XPR1: variants seen among roughly 807,000 people sequenced by gnomAD.
The protein encoded by XPR1 is xenotropic and polytropic retrovirus receptor 1.
Under a neutral mutation model 87.5 loss-of-function variants are expected in XPR1, and 28 were observed. The observed-to-expected ratio is 0.32, with a 90% CI of 0.24 to 0.44. The LOEUF (loss-of-function observed/expected upper bound fraction) is 0.44, where lower values mean the gene tolerates loss of function less well. Ranked by LOEUF, XPR1 falls within the 20% of genes least tolerant of loss-of-function variation. XPR1 has a pLI of 1.00. For missense variants in XPR1, 559 were observed against 862.3 expected, an observed-to-expected ratio of 0.65 and a Z score of 4.41; for synonymous variants, 300 against 306.1, an observed-to-expected ratio of 0.98 and a Z score of 0.21.
chr1:180,887,525 A>T lies in XPR1; in HGVS notation c.*3459A>T, dbSNP rs1165317808. On this transcript the variant is annotated 3_prime_UTR_variant, in exon 15 of 15. Coordinates refer to ENST00000367590, the MANE Select transcript of XPR1 (RefSeq NM_004736.4). ...TTCATAGCATACAGAGAAACAATGA[A>T]ATCAAAGATTAAATCATTAGGTTAT... 6.6e-6 allele frequency: 1 copy of T among 152,232 alleles called. No individual in the cohort carries two copies. Among genetic ancestry groups the T allele is most frequent in the Non-Finnish European group, 1.5e-5 (1 of 68,040 alleles). The allele number at this position is 152,232 out of a possible 1,614,324, so 9.4% of individuals were successfully genotyped here.
chr1:180,855,501 C>G (rs1418854160), intron 11 of XPR1, among the ~76,000 whole-genome samples: 1 of 151,906 alleles, frequency 6.6e-6, no homozygotes, highest in African/African-American at 2.4e-5. Context: ...CTCGTCTCTA[C>G]TAAAAATACA....
intron 2 of XPR1, among the ~76,000 whole-genome samples, chr1:180,730,631 C>T (rs532676806): frequency 6.6e-6 from 1 of 152,184 alleles, no homozygotes; most frequent in East Asian, 1.9e-4. Context: ...AGCCCTTCTC[C>T]TTTTGGCAAA....
chr1:180,686,410 T>C (rs12567731), intron 2 of XPR1, among the ~76,000 whole-genome samples: 8,290 of 152,220 alleles, frequency 0.054, 367 homozygotes, highest in East Asian at 0.13. Flanking sequence ...CTTCCAACTA[T>C]GTGGTCAGTT....
intron 2 of XPR1, among the ~76,000 whole-genome samples, chr1:180,759,551 C>G (rs546868420): frequency 2.0e-5 from 3 of 152,236 alleles, no homozygotes; most frequent in African/African-American, 7.2e-5. Context: ...TACACCCTCC[C>G]AAGACTAAAC....
chr1:180,820,115 C>T (rs1650572532), intron 7 of XPR1, among the ~76,000 whole-genome samples: 1 of 151,544 alleles, frequency 6.6e-6, no homozygotes, highest in Non-Finnish European at 1.5e-5. Context: ...TTACTTTTTT[C>T]CTTTTCTGTT....
chr1:180,836,577 T>C lies in XPR1; in HGVS notation c.1362T>C (p.Ile454=), dbSNP rs1483628406. The C allele has an allele frequency of 6.2e-7, 1 of 1,614,206 alleles. No individual in the cohort carries two copies. Among genetic ancestry groups the C allele is most frequent in the Admixed American group, 1.7e-5 (1 of 60,020 alleles). ...TYGVRAIVQC[I]PAWLRFIQCL... is the part of the protein sequence containing the mutation. ...GTGTGCGGGCCATTGTTCAGTGCATTCCTGCTTGGCTTCGCTTCATCCAGT... is the reference window on the plus strand; with the variant it reads ...GTGTGCGGGCCATTGTTCAGTGCATCCCTGCTTGGCTTCGCTTCATCCAGT... The change falls in exon 11 of 15, where the codon ATT becomes ATC. Residue 454 remains isoleucine, a synonymous_variant. Coordinates refer to ENST00000367590, the MANE Select transcript of XPR1 (RefSeq NM_004736.4).
chr1:180,704,814 GTTTTTT>G lies in XPR1; in HGVS notation c.121+22423_121+22428del, dbSNP rs567903048. 3.1e-4 allele frequency among the ~76,000 whole-genome samples: 16 copies of G among 51,944 alleles called. 1 individual carries two copies. The highest frequency in any genetic ancestry group is 4.8e-4 in the Non-Finnish European group (14 of 28,932). 34.1% of individuals were successfully genotyped at this position (51,944 alleles called of 152,430 possible). A position where few individuals can be genotyped will look rare whatever the true frequency, so the allele number is the denominator to read the frequency against. On this transcript the variant is annotated intron_variant, in intron 2 of 14. Transcript: ENST00000367590. ...GCCATTTTTCCAGGGACTGTTGGTT[GTTTTTT>G]TTTTTTTTTTTTTTTTTTTAAGTAA...
Position 180,885,763 on chromosome 1 carries a change from A to G in XPR1, c.*1697A>G, listed in dbSNP as rs1024670067. The G allele has an allele frequency of 3.3e-5, 5 of 152,222 alleles. 1 individual carries two copies. The highest frequency in any genetic ancestry group is 7.3e-5 in the Non-Finnish European group (5 of 68,038). The allele number at this position is 152,222 out of a possible 1,614,324, so 9.4% of individuals were successfully genotyped here. ...AGCTATTACCATTCGCTTAGTCAAA[A>G]CATTCGGTTACTGCCCTTTAATACA... is the stretch of plus-strand genomic sequence containing the variant. On this transcript the variant is annotated 3_prime_UTR_variant, in exon 15 of 15. Coordinates refer to ENST00000367590, the MANE Select transcript of XPR1 (RefSeq NM_004736.4).
chr1:180,648,909 C>T (rs1194976350), intron 1 of XPR1, among the ~76,000 whole-genome samples: 2 of 152,172 alleles, frequency 1.3e-5, no homozygotes, highest in Non-Finnish European at 2.9e-5. Context: ...TTTTTGACAT[C>T]TCTGATAATA....
At chr1:180,854,012 A>T (rs1290207754) in intron 11 of XPR1, among the ~76,000 whole-genome samples, 1 of 152,142 alleles carries the variant, frequency 6.6e-6, no homozygotes, top group Non-Finnish European at 1.5e-5. Flanking sequence ...GTTGTAAAGG[A>T]AAAAAATGAT....
intron 2 of XPR1, among the ~76,000 whole-genome samples, chr1:180,756,166 T>C (rs948304914): frequency 1.3e-5 from 2 of 152,038 alleles, no homozygotes; most frequent in Non-Finnish European, 2.9e-5. Context: ...ATAACTTAAA[T>C]CCAATCAGGA....
intron 6 of XPR1, among the ~76,000 whole-genome samples, chr1:180,808,119 T>C (rs1446555085): frequency 6.6e-6 from 1 of 152,014 alleles, no homozygotes; most frequent in African/African-American, 2.4e-5. Context: ...ATCAAGAGAG[T>C]GTGGTAATAG....
At chr1:180,661,519 G>A (rs948617892) in intron 1 of XPR1, among the ~76,000 whole-genome samples, 43 of 122,620 alleles carry the variant, frequency 3.5e-4, no homozygotes, top group African/African-American at 1.2e-3. Flanking sequence ...GTGTGTGTGT[G>A]GTATGTTTTT....
intron 8 of XPR1, 31 bp from the exon 9 acceptor site, chr1:180,825,134 C>G: frequency 1.3e-6 from 2 of 1,559,058 alleles, no homozygotes; most frequent in South Asian, 1.2e-5. Context: ...CAATTTTTCT[C>G]TATCTTTCTG....
At chr1:180,781,452 C>A (rs988404338) in intron 2 of XPR1, among the ~76,000 whole-genome samples, 2 of 151,718 alleles carry the variant, frequency 1.3e-5, no homozygotes, top group Non-Finnish European at 2.9e-5. Flanking sequence ...GAAGATTGGC[C>A]TTTTATGTAT....
chr1:180,694,812 T>G (rs931052114), intron 2 of XPR1, among the ~76,000 whole-genome samples: 1 of 150,918 alleles, frequency 6.6e-6, no homozygotes, highest in Admixed American at 6.6e-5. Flanking sequence ...CACCATGTTT[T>G]CTTTATCTGT....
chr1:180,776,526 G>A (rs10798789), intron 2 of XPR1, among the ~76,000 whole-genome samples: 72,570 of 151,610 alleles, frequency 0.48, 17,864 homozygotes, highest in African/African-American at 0.5. Context: ...AAATGTAAAT[G>A]ATTGCAGGGT....
At chr1:180,632,352 C>T in intron 1 of XPR1, 82 bp downstream of exon 1, 1 of 1,512,410 alleles carries the variant, frequency 6.6e-7, no homozygotes, top group Non-Finnish European at 9.0e-7. Context: ...CCTTCCGCTT[C>T]AGCTGGCTCC....
intron 11 of XPR1, among the ~76,000 whole-genome samples, chr1:180,851,409 A>T (rs1393620753): frequency 6.6e-6 from 1 of 152,192 alleles, no homozygotes; most frequent in Non-Finnish European, 1.5e-5. Context: ...GTCAGACAGA[A>T]TTTATTTGTG....
Sources: gnomAD v4.1 joint callset for allele counts (sites outside exome capture counted in the v4.1 genomes callset) on GRCh38, gnomAD v4.1.1 for gene constraint, MANE v1.5 for transcripts, NCBI Gene and HGNC (gene_info 2026-07-23, HGNC 2026-07-21) for gene names.